PEDS1: variants seen among roughly 807,000 people sequenced by gnomAD.
The protein encoded by PEDS1 is plasmanylethanolamine desaturase 1, also known as CarF homolog.
A neutral mutation model predicts 35.2 loss-of-function variants in PEDS1; 14 were observed. That is an observed-to-expected ratio of 0.40 (90% CI 0.26 to 0.62). The LOEUF is 0.62. Ranked by LOEUF, PEDS1 falls within the 20% of genes least tolerant of loss-of-function variation. The pLI, the probability that PEDS1 is intolerant of heterozygous loss-of-function variation, is 0.44. For missense variants in PEDS1, 260 were observed against 367.8 expected (o/e 0.71, Z 2.40); for synonymous variants, 152 against 152.0 (o/e 1.00, Z 0.00).
chr20:50,127,263 G>A lies in PEDS1; in HGVS notation c.691+712C>T, dbSNP rs190424778. ...CATAGCAGTTAGCACCATTAGCCAC[G>A]CTACACATTTTATTCATTCGTTCCA... On this transcript the variant is annotated intron_variant, in intron 5 of 5. Transcript: ENST00000371652. Among the ~76,000 whole-genome samples the A allele has an allele frequency of 2.1e-3, 320 of 151,216 alleles. 1 individual carries two copies. The highest frequency in any genetic ancestry group is 7.6e-3 in the African/African-American group (311 of 41,136).
In PEDS1 at chr20:50,143,850, A is replaced by G; in HGVS notation, c.122-229T>C. ...GTAGCTGGGATTATAGGCACCCGCC[A>G]CCATGCCCGGCTAATTTTTATATTT... On this transcript the variant is annotated intron_variant, in intron 1 of 5. Transcript: ENST00000371652. Among the ~76,000 whole-genome samples the G allele has an allele frequency of 2.0e-5, 3 of 152,148 alleles. No homozygotes were observed. In the South Asian group the frequency reaches 6.2e-4, roughly 32 times the overall value.
At chr20:50,143,712 TTC>T in intron 1 of PEDS1, 91 bp from the exon 2 acceptor site, 1 of 1,314,338 alleles carries the variant, frequency 7.6e-7, no homozygotes, top group Non-Finnish European at 1.0e-6. Flanking sequence ...TTTTTTTTTT[TTC>T]TGAGACAGAG....
chr20:50,130,690 C>T (rs186206877), intron 3 of PEDS1, among the ~76,000 whole-genome samples, 166 bp downstream of exon 3: 19 of 152,280 alleles, frequency 1.2e-4, no homozygotes, highest in Non-Finnish European at 1.8e-4. Flanking sequence ...TTCCAAAATC[C>T]CAAGGGACTC....
rs6512610 is a variant in PEDS1 at position 50,123,421 on chromosome 20, C to A, written c.*1637G>T. The stretch of plus-strand genomic sequence containing the variant: ...GCTGGGATAAAGTCGTCTGCCACCA[C>A]GCCTGGCTAATTTTTGTAAATTTTA... On this transcript the variant is annotated 3_prime_UTR_variant, in exon 6 of 6. Transcript: ENST00000371652. The A allele has an allele frequency of 0.26, 39,566 of 152,114 alleles. 5,374 individuals are homozygous for A. The highest frequency in any genetic ancestry group is 0.33 in the African/African-American group (13,854 of 41,432). The allele number at this position is 152,114 out of a possible 1,614,324, so 9.4% of individuals were successfully genotyped here.
chr20:50,139,006 G>A lies in PEDS1; in HGVS notation c.241+4496C>T, dbSNP rs937662835. On this transcript the variant is annotated intron_variant, in intron 2 of 5. Transcript: ENST00000371652. ...TCAAAGGCCTGGCGTGGAGATGGAA[G>A]GCGTGGCTGAGGAGCCAAGTGAATG... 8.5e-5 allele frequency among the ~76,000 whole-genome samples: 13 copies of A among 152,298 alleles called. No homozygotes were observed. The South Asian group carries it at 2.7e-3, about 32-fold the overall frequency.
At chr20:50,134,410 G>A (rs962977281) in intron 2 of PEDS1, among the ~76,000 whole-genome samples, 2 of 152,226 alleles carry the variant, frequency 1.3e-5, no homozygotes, top group African/African-American at 4.8e-5. Flanking sequence ...AGCCAGGGAT[G>A]GTGGTGGGCA....
At position 50,129,351 on chromosome 20, in the gene PEDS1, G is replaced by T. The variant is rs1291449955; in HGVS notation, c.478+195C>A. 1.3e-5 allele frequency among the ~76,000 whole-genome samples: 2 copies of T among 152,200 alleles called. No individual in the cohort carries two copies. The highest frequency in any genetic ancestry group is 3.8e-4 in the East Asian group (2 of 5,202). ...CAGGTGGGAACATGGACCCAGGGGG[G>T]CCAGAGCAGATTGTGCAAGAGAAGC... is the stretch of plus-strand genomic sequence containing the variant. On this transcript the variant is annotated intron_variant, in intron 4 of 5. Coordinates refer to ENST00000371652, the MANE Select transcript of PEDS1 (RefSeq NM_199129.4). This position sits in a 1 kb window ranked among gnomAD's most constrained non-coding sequence, Gnocchi z 4.2.
intron 2 of PEDS1, among the ~76,000 whole-genome samples, chr20:50,140,660 T>G (rs1423153610): frequency 1.3e-5 from 2 of 152,208 alleles, no homozygotes; most frequent in Admixed American, 6.5e-5. Context: ...CTTTCCCGCC[T>G]ACCCGCTTAG....
chr20:50,153,539 C>G lies in PEDS1; in HGVS notation c.99G>C (p.Glu33Asp). Residue 33 changes from glutamate to aspartate, a missense_variant, in exon 1 of 6, where the codon GAG (glutamate) becomes GAC (aspartate). This residue lies in a region of PEDS1 where 114 missense variants were observed against 121.6 expected (regional missense o/e 0.94). Coordinates refer to ENST00000371652, the MANE Select transcript of PEDS1 (RefSeq NM_199129.4). The part of the protein sequence containing the change: ...RWGAQHAGAR[E>D]LAALYSPGKR... ...TACCTGGCGAGTAGAGCGCAGCCAG[C>G]TCGCGGGCCCCGGCGTGCTGCGCGC... The G allele has an allele frequency of 7.0e-7, 1 of 1,428,506 alleles. No homozygotes were observed. The highest frequency in any genetic ancestry group is 9.2e-7 in the Non-Finnish European group (1 of 1,084,260). The allele number at this position is 1,428,506 out of a possible 1,614,324, so 88.5% of individuals were successfully genotyped here. A position where few individuals can be genotyped will look rare whatever the true frequency, so the allele number is the denominator to read the frequency against.
intron 5 of PEDS1, among the ~76,000 whole-genome samples, chr20:50,125,544 T>TTATCTATCTATC (rs57011944): frequency 7.5e-5 from 11 of 147,382 alleles, no homozygotes; most frequent in South Asian, 2.2e-4. Flanking sequence ...ACATTACCCT[T>TTATCTATCTATC]TATCTATCTA....
chr20:50,122,421 G>A lies in PEDS1; in HGVS notation c.*2637C>T, dbSNP rs2147262004. On this transcript the variant is annotated 3_prime_UTR_variant, in exon 6 of 6. Transcript: ENST00000371652. ...TCACGTTTTAAAAAATAAATGTCAT[G>A]GCTGGACGCAGTGGCTCATGCCTGT... The A allele has an allele frequency of 6.6e-6, 1 of 152,334 alleles. No homozygotes were observed. Among genetic ancestry groups the A allele is most frequent in the South Asian group, 2.1e-4 (1 of 4,824 alleles). The allele number at this position is 152,334 out of a possible 1,614,324, so 9.4% of individuals were successfully genotyped here.
At chr20:50,133,746 T>G (rs2147280475) in intron 2 of PEDS1, among the ~76,000 whole-genome samples, 1 of 152,362 alleles carries the variant, frequency 6.6e-6, no homozygotes, top group African/African-American at 2.4e-5. Context: ...GGGCAGTTGC[T>G]CTCGCTCACA....
At position 50,130,722 on chromosome 20, in the gene PEDS1, G is replaced by C. The variant is rs148215582; in HGVS notation, c.333+134C>G. 484 of 1,123,940 alleles carry C rather than the reference G, an allele frequency of 4.3e-4. 1 individual carries two copies. The highest frequency in any genetic ancestry group is 2.1e-3 in the Middle Eastern group (7 of 3,350). The allele number at this position is 1,123,940 out of a possible 1,614,324, so 69.6% of individuals were successfully genotyped here. A position where few individuals can be genotyped will look rare whatever the true frequency, so the allele number is the denominator to read the frequency against. ...ACTCCTGTTCTAGTCTTGCAGCACAGGGGTGAGGGACAGGCTGCAATGATG... is the reference window on the plus strand; with the variant it reads ...ACTCCTGTTCTAGTCTTGCAGCACACGGGTGAGGGACAGGCTGCAATGATG... On this transcript the variant is annotated intron_variant, in intron 3 of 5. Coordinates refer to ENST00000371652, the MANE Select transcript of PEDS1 (RefSeq NM_199129.4).
At chr20:50,125,292 A>G in intron 5 of PEDS1, 113 bp from the exon 6 acceptor site, 1 of 1,390,414 alleles carries the variant, frequency 7.2e-7, no homozygotes, top group Non-Finnish European at 9.7e-7. Context: ...GAGTCAGTAC[A>G]GGATAGGACA....
Position 50,128,183 on chromosome 20 carries a change from G to A in PEDS1, c.483C>T (p.Ala161=). 6.2e-6 allele frequency: 10 copies of A among 1,614,004 alleles called. No individual in the cohort carries two copies. Among genetic ancestry groups the A allele is most frequent in the Non-Finnish European group, 8.5e-6 (10 of 1,179,986 alleles). ...ACTCCCAGGGGTATAGCTGCTCCAGGGCTTCTGCAGGTTGGGGAGAGGGGG... is the reference window on the plus strand; with the variant it reads ...ACTCCCAGGGGTATAGCTGCTCCAGAGCTTCTGCAGGTTGGGGAGAGGGGG... ...AYKFRTHSPE[A]LEQLYPWECF... Residue 161 remains alanine, a synonymous_variant, in exon 5 of 6, where the codon GCC becomes GCT. Transcript: ENST00000371652. The surrounding 1 kb of genome is among the most constrained non-coding windows in gnomAD (Gnocchi z 5.2).
At chr20:50,139,511 A>C (rs2081270790) in intron 2 of PEDS1, among the ~76,000 whole-genome samples, 2 of 139,544 alleles carry the variant, frequency 1.4e-5, no homozygotes, top group Admixed American at 7.2e-5. Context: ...TTCTCCCCCG[A>C]CCTCCCTGGT....
At chr20:50,131,621 CAAAA>C (rs926700222) in intron 2 of PEDS1, among the ~76,000 whole-genome samples, 1 of 133,138 alleles carries the variant, frequency 7.5e-6, no homozygotes, top group African/African-American at 2.8e-5. Flanking sequence ...GACTCCGTCT[CAAAA>C]AAAAAAAAAG....
At position 50,120,046 on chromosome 20, in the gene PEDS1, A is replaced by G. The variant is rs553558433; in HGVS notation, c.*5012T>C. ...TTCAGGAGGTTGAGGTGGGAGGATC[A>G]CTTGAGGCCAGGAGTTTGAGACTAC... On this transcript the variant is annotated 3_prime_UTR_variant, in exon 6 of 6. Coordinates refer to ENST00000371652, the MANE Select transcript of PEDS1 (RefSeq NM_199129.4). 1.5e-3 allele frequency: 223 copies of G among 152,214 alleles called. 1 individual carries two copies. The highest frequency in any genetic ancestry group is 5.2e-3 in the African/African-American group (216 of 41,406). The allele number at this position is 152,214 out of a possible 1,614,324, so 9.4% of individuals were successfully genotyped here.
intron 1 of PEDS1, among the ~76,000 whole-genome samples, chr20:50,147,785 T>A (rs890911764): frequency 2.6e-5 from 4 of 152,214 alleles, no homozygotes; most frequent in African/African-American, 9.7e-5. Context: ...CCGGGTGTGG[T>A]GGCTCATGCC....
Sources: gnomAD v4.1 joint callset for allele counts (sites outside exome capture counted in the v4.1 genomes callset) on GRCh38, gnomAD v4.1.1 for gene constraint, gnomAD v4.1.1 regional missense constraint, Gnocchi (gnomAD v3.1) non-coding constraint, MANE v1.5 for transcripts, NCBI Gene and HGNC (gene_info 2026-07-23, HGNC 2026-07-21) for gene names.